CD200R1: variants seen among roughly 807,000 people sequenced by gnomAD.
CD200R1 encodes the protein cell surface glycoprotein CD200 receptor 1.
CD200R1 carries 30 observed loss-of-function variants against 38.1 expected under a neutral mutation model. That is an observed-to-expected ratio of 0.79 (90% CI 0.59 to 1.07). The LOEUF is 1.07. CD200R1 is among the 50% of genes least tolerant of loss of function. The pLI is 0.00. For synonymous variants in CD200R1, 128 were observed against 152.1 expected (o/e 0.84, Z 1.16); for missense variants, 372 against 415.4 (o/e 0.90, Z 0.91).
chr3:112,924,305 G>A (rs773781949), intron 7 of CD200R1, among the ~76,000 whole-genome samples, 185 bp downstream of exon 7: 14 of 152,004 alleles, frequency 9.2e-5, no homozygotes, highest in Non-Finnish European at 1.9e-4. Flanking sequence ...GTGGTTCAGA[G>A]TGATGATGTA....
At chr3:112,933,958 A>C (rs923903207) in intron 2 of CD200R1, among the ~76,000 whole-genome samples, 1 of 152,068 alleles carries the variant, frequency 6.6e-6, no homozygotes, top group African/African-American at 2.4e-5. Context: ...AAGAATTTTA[A>C]AAAAATAAAG....
chr3:112,973,323 A>G (rs2107352042), intron 1 of CD200R1, among the ~76,000 whole-genome samples: 1 of 152,292 alleles, frequency 6.6e-6, no homozygotes, highest in East Asian at 1.9e-4. Context: ...TAAGGCTAAA[A>G]CTAAGTATTG....
chr3:112,969,813 A>T (rs1398602369), intron 1 of CD200R1, among the ~76,000 whole-genome samples: 1 of 152,196 alleles, frequency 6.6e-6, no homozygotes, highest in East Asian at 1.9e-4. Context: ...AACTTCCAAG[A>T]GAACCTGCAA....
chr3:112,950,983 A>G (rs1010455494), intron 1 of CD200R1, among the ~76,000 whole-genome samples: 3 of 152,176 alleles, frequency 2.0e-5, no homozygotes, highest in Non-Finnish European at 4.4e-5. Context: ...TCACCCATAG[A>G]AGCAAGAAAC....
chr3:112,974,817 A>G lies in CD200R1; in HGVS notation c.41T>C (p.Leu14Ser). 1.2e-6 allele frequency: 2 copies of G among 1,613,424 alleles called. No individual in the cohort carries two copies. Among genetic ancestry groups the G allele is most frequent in the Non-Finnish European group, 1.7e-6 (2 of 1,179,538 alleles). ...PWRTANLGLL[L>S]ILTIFLVAEA... ...GGCCACTAAGAAGATAGTCAAAATC[A>G]ACAGTAGCCCTAGGTTAGCAGTTCT... Residue 14 changes from leucine to serine, a missense_variant, in exon 1 of 8, where the codon TTG becomes TCG. By Grantham distance (145) the Leu-to-Ser change is moderately radical. Coordinates refer to ENST00000308611, the MANE Select transcript of CD200R1 (RefSeq NM_138806.4).
chr3:112,924,946 C>G, intron 6 of CD200R1, 139 bp downstream of exon 6: 2 of 645,252 alleles, frequency 3.1e-6, no homozygotes, highest in Non-Finnish European at 5.5e-6. Flanking sequence ...TAGTCCAAGT[C>G]TATCTAACAC....
intron 1 of CD200R1, among the ~76,000 whole-genome samples, chr3:112,974,066 C>G (rs529404188): frequency 6.6e-6 from 1 of 152,120 alleles, no homozygotes; most frequent in East Asian, 1.9e-4. Context: ...TGACAGAAAG[C>G]AATAAACTGT....
At chr3:112,935,637 A>G (rs1447333006) in intron 2 of CD200R1, among the ~76,000 whole-genome samples, 3 of 152,196 alleles carry the variant, frequency 2.0e-5, no homozygotes, top group Non-Finnish European at 4.4e-5. Context: ...AAGTAGTAAT[A>G]TTTCAAATTA....
At chr3:112,954,731 T>A (rs76670192) in intron 1 of CD200R1, among the ~76,000 whole-genome samples, 2,838 of 152,286 alleles carry the variant, frequency 0.019, 84 homozygotes, top group African/African-American at 0.065. Flanking sequence ...AGCATGGGAA[T>A]TCTGCACCCC....
intron 1 of CD200R1, among the ~76,000 whole-genome samples, chr3:112,954,693 G>A (rs1468611136): frequency 2.0e-5 from 3 of 152,164 alleles, no homozygotes; most frequent in East Asian, 1.9e-4. Flanking sequence ...ACATATGGAG[G>A]TTACTAGAAG....
At chr3:112,961,595 A>G (rs1933020527) in intron 1 of CD200R1, among the ~76,000 whole-genome samples, 2 of 152,120 alleles carry the variant, frequency 1.3e-5, no homozygotes, top group African/African-American at 4.8e-5. Flanking sequence ...TTCAATTAAG[A>G]AATCTTTCTA....
intron 1 of CD200R1, among the ~76,000 whole-genome samples, chr3:112,964,534 C>A (rs939877947): frequency 1.3e-5 from 2 of 152,182 alleles, no homozygotes; most frequent in South Asian, 2.1e-4. Flanking sequence ...TTGCATGGGG[C>A]CTGTAGCCCC....
At chr3:112,939,177 G>A (rs2107315811) in intron 2 of CD200R1, among the ~76,000 whole-genome samples, 1 of 152,048 alleles carries the variant, frequency 6.6e-6, no homozygotes, top group African/African-American at 2.4e-5. Context: ...ACTAAATGGG[G>A]AAAAGCTTTC....
chr3:112,962,885 T>C (rs559732788), intron 1 of CD200R1, among the ~76,000 whole-genome samples: 2 of 152,300 alleles, frequency 1.3e-5, no homozygotes, highest in African/African-American at 4.8e-5. Flanking sequence ...CAAAGCCAAG[T>C]GATATGGTTT....
intron 5 of CD200R1, among the ~76,000 whole-genome samples, chr3:112,925,601 G>A (rs1049528445): frequency 4.6e-5 from 7 of 152,000 alleles, no homozygotes; most frequent in Non-Finnish European, 8.8e-5. Context: ...GACTTTGGGT[G>A]GTAATGTTGT....
intron 2 of CD200R1, among the ~76,000 whole-genome samples, chr3:112,939,663 A>G (rs950801790): frequency 6.6e-6 from 1 of 151,942 alleles, no homozygotes; most frequent in African/African-American, 2.4e-5. Context: ...ATAGAAAGAC[A>G]TCCCATATTC....
chr3:112,957,885 G>A (rs1426428667), intron 1 of CD200R1, among the ~76,000 whole-genome samples: 1 of 152,092 alleles, frequency 6.6e-6, no homozygotes, highest in Non-Finnish European at 1.5e-5. Flanking sequence ...GTCATGCAAA[G>A]ATGTTCAATA....
At position 112,931,143 on chromosome 3, in the gene CD200R1, T is replaced by G; in HGVS notation, c.165A>C (p.Lys55Asn). The stretch of plus-strand genomic sequence containing the variant: ...CTTTCGAGTAGTTCTGTGTAATCTG[T>G]TTTTCATCCATACATAAACTGCTTG... ...LASSSLCMDE[K>N]QITQNYSKVL... The change falls in exon 3 of 8, where the codon AAA (lysine) becomes AAC (asparagine). Residue 55 changes from lysine to asparagine, a missense_variant. Coordinates refer to ENST00000308611, the MANE Select transcript of CD200R1 (RefSeq NM_138806.4). 6.2e-7 allele frequency: 1 copy of G among 1,609,918 alleles called. No individual in the cohort carries two copies.
chr3:112,928,788 A>G (rs1300092131), intron 5 of CD200R1, 28 bp downstream of exon 5: 2 of 1,528,518 alleles, frequency 1.3e-6, no homozygotes, highest in Non-Finnish European at 1.8e-6. Flanking sequence ...GGAAAAAAAT[A>G]AAAAATAAAA....
Sources: gnomAD v4.1 joint callset for allele counts (sites outside exome capture counted in the v4.1 genomes callset) on GRCh38, gnomAD v4.1.1 for gene constraint, MANE v1.5 for transcripts, NCBI Gene and HGNC (gene_info 2026-07-23, HGNC 2026-07-21) for gene names.